The following DOCK3 variants were observed in gnomAD, a reference collection of about 807,000 sequenced individuals.
DOCK3 encodes the protein dedicator of cytokinesis protein 3.
Under a neutral mutation model 265.6 loss-of-function variants are expected in DOCK3, and 60 were observed. The observed-to-expected ratio is 0.23, with a 90% CI of 0.18 to 0.28. The LOEUF is 0.28. DOCK3 is among the 10% of genes least tolerant of loss of function. The probability of loss-of-function intolerance (pLI) is 1.00; values close to 1 mark genes in which losing one functional copy is unlikely to be tolerated. For missense variants in DOCK3, 1,981 were observed against 2,594.3 expected (o/e 0.76, Z 5.14); for synonymous variants, 881 against 938.0 (o/e 0.94, Z 1.11).
intron 4 of DOCK3, among the ~76,000 whole-genome samples, chr3:50,899,282 A>G (rs1316725308): frequency 6.6e-6 from 1 of 152,066 alleles, no homozygotes; most frequent in African/African-American, 2.4e-5. Flanking sequence ...CTTTTTTATC[A>G]GAGACTAGGA....
chr3:51,347,136 T>C (rs760673146), intron 38 of DOCK3, among the ~76,000 whole-genome samples: 2 of 152,352 alleles, frequency 1.3e-5, no homozygotes, highest in East Asian at 1.9e-4. Context: ...AGAAGCTCCT[T>C]AATTTAATTA....
At chr3:50,746,698 C>T (rs1332415000) in intron 1 of DOCK3, among the ~76,000 whole-genome samples, 1 of 152,076 alleles carries the variant, frequency 6.6e-6, no homozygotes, top group African/African-American at 2.4e-5. Flanking sequence ...AGGAAGCTTA[C>T]AGGCATGGCA....
At chr3:51,317,905 T>A (rs1321206661) in intron 32 of DOCK3, among the ~76,000 whole-genome samples, 2 of 152,214 alleles carry the variant, frequency 1.3e-5, no homozygotes, top group African/African-American at 4.8e-5. Context: ...CTTATTATAG[T>A]AGCTTTATAG....
intron 1 of DOCK3, among the ~76,000 whole-genome samples, chr3:50,727,469 G>C (rs963014772): frequency 6.6e-6 from 1 of 152,078 alleles, no homozygotes; most frequent in Non-Finnish European, 1.5e-5. Context: ...AGGCCGAGGT[G>C]GGCAGATCAC....
intron 2 of DOCK3, among the ~76,000 whole-genome samples, chr3:50,799,943 T>C (rs1253796590): frequency 6.6e-6 from 1 of 152,208 alleles, no homozygotes; most frequent in Admixed American, 6.5e-5. Context: ...TTTCTCTGAG[T>C]CTACTGAGGT....
At chr3:50,749,274 G>C (rs1014542318) in intron 1 of DOCK3, among the ~76,000 whole-genome samples, 2 of 152,282 alleles carry the variant, frequency 1.3e-5, no homozygotes, top group African/African-American at 4.8e-5. Flanking sequence ...TTACATAGCT[G>C]TAGGTGAAAC....
chr3:51,116,078 G>T (rs2083723650), intron 9 of DOCK3, among the ~76,000 whole-genome samples: 2 of 151,934 alleles, frequency 1.3e-5, no homozygotes, highest in African/African-American at 4.8e-5. Context: ...CAGGCAACGT[G>T]ATGCCTCCAT....
At chr3:51,230,089 G>GCCA (rs2090483480) in intron 19 of DOCK3, among the ~76,000 whole-genome samples, 1 of 152,124 alleles carries the variant, frequency 6.6e-6, no homozygotes, top group African/African-American at 2.4e-5. Context: ...GCATTCCATT[G>GCCA]TGTTTATATG....
intron 26 of DOCK3, chr3:51,278,531 A>G: frequency 2.0e-6 from 2 of 985,346 alleles, no homozygotes; most frequent in South Asian, 4.7e-5. Flanking sequence ...GGGAGCAGGT[A>G]TGTGTTCTGG....
At chr3:51,186,970 C>T (rs1417031188) in intron 12 of DOCK3, among the ~76,000 whole-genome samples, 2 of 152,188 alleles carry the variant, frequency 1.3e-5, no homozygotes, top group Non-Finnish European at 2.9e-5. Flanking sequence ...AATGTAGGTT[C>T]AGAGCCCCCA....
chr3:51,293,073 G>A (rs1376534310), intron 27 of DOCK3, among the ~76,000 whole-genome samples: 1 of 152,066 alleles, frequency 6.6e-6, no homozygotes, highest in Admixed American at 6.6e-5. Flanking sequence ...CAGATTCAAT[G>A]CAATCTCCAT....
intron 5 of DOCK3, among the ~76,000 whole-genome samples, chr3:50,970,198 A>G (rs564664831): frequency 7.2e-5 from 11 of 152,296 alleles, no homozygotes; most frequent in Admixed American, 2.6e-4. Flanking sequence ...AGGTGATTAT[A>G]TGCTTTTATT....
At chr3:51,270,292 T>C (rs1426021660) in intron 23 of DOCK3, among the ~76,000 whole-genome samples, 2 of 152,216 alleles carry the variant, frequency 1.3e-5, no homozygotes, top group African/African-American at 4.8e-5. Flanking sequence ...TCATATTTCA[T>C]GGTTGCAAAT....
intron 27 of DOCK3, among the ~76,000 whole-genome samples, chr3:51,294,188 C>T (rs1453359196): frequency 1.3e-5 from 2 of 152,120 alleles, no homozygotes; most frequent in Non-Finnish European, 2.9e-5. Flanking sequence ...TGGAAAAAAC[C>T]TAAGTGTCTA....
At chr3:51,228,184 C>A in intron 17 of DOCK3, 96 bp downstream of exon 17, 1 of 1,236,484 alleles carries the variant, frequency 8.1e-7, no homozygotes, top group Non-Finnish European at 1.2e-6. Flanking sequence ...CTGGGCAGGC[C>A]AGAAGACCAA....
intron 27 of DOCK3, among the ~76,000 whole-genome samples, chr3:51,307,561 T>TA (rs1217075102): frequency 1.3e-5 from 2 of 152,232 alleles, no homozygotes; most frequent in Non-Finnish European, 1.5e-5. Flanking sequence ...GTGTTTTTTT[T>TA]ATGTGTATGT....
intron 46 of DOCK3, among the ~76,000 whole-genome samples, chr3:51,358,404 C>G (rs1254666883): frequency 6.6e-6 from 1 of 152,198 alleles, no homozygotes; most frequent in East Asian, 1.9e-4. Context: ...ATGTAGGGAT[C>G]TTTTTGGAGA....
intron 2 of DOCK3, among the ~76,000 whole-genome samples, chr3:50,780,437 G>A (rs998646301): frequency 2.0e-5 from 3 of 152,126 alleles, no homozygotes; most frequent in African/African-American, 7.2e-5. Flanking sequence ...TCTGCTTCTG[G>A]TGAGGGCCTT....
intron 4 of DOCK3, among the ~76,000 whole-genome samples, chr3:50,906,733 G>GT (rs972294512): frequency 2.3e-4 from 35 of 151,928 alleles, no homozygotes; most frequent in African/African-American, 7.2e-4. Flanking sequence ...TTTTTGAAGG[G>GT]TTTTTTTGTA....
Sources: allele counts gnomAD v4.1 joint callset (sites outside exome capture counted in the v4.1 genomes callset), GRCh38; gene constraint gnomAD v4.1.1; transcripts MANE v1.5; gene names NCBI Gene and HGNC (gene_info 2026-07-23, HGNC 2026-07-21).